The following ATP10A variants were observed in gnomAD, a reference collection of about 807,000 sequenced individuals.
ATP10A encodes the protein ATPase phospholipid transporting 10A (putative).
Under a neutral mutation model 147.8 loss-of-function variants are expected in ATP10A, and 111 were observed. That is an observed-to-expected ratio of 0.75 (90% confidence interval 0.64 to 0.88). The LOEUF is 0.88. Ranked by LOEUF, ATP10A falls within the 40% of genes least tolerant of loss-of-function variation. The probability of loss-of-function intolerance (pLI) is 0.00; values close to 1 mark genes in which losing one functional copy is unlikely to be tolerated. For missense variants in ATP10A, 1,927 were observed against 1,959.0 expected (o/e 0.98, Z 0.31); for synonymous variants, 875 against 841.6 (o/e 1.04, Z -0.69).
chr15:25,686,060 T>C (rs1208347437), intron 16 of ATP10A, among the ~76,000 whole-genome samples: 1 of 152,028 alleles, frequency 6.6e-6, no homozygotes, highest in African/African-American at 2.4e-5. Flanking sequence ...AGGAGTGGTG[T>C]GACACAGCCT....
intron 2 of ATP10A, among the ~76,000 whole-genome samples, chr15:25,767,319 T>C (rs371153448): frequency 6.6e-6 from 1 of 152,184 alleles, no homozygotes; most frequent in Non-Finnish European, 1.5e-5. Flanking sequence ...GCAAGGCTGC[T>C]GTCACCAGGA....
downstream of ATP10A, among the ~76,000 whole-genome samples, chr15:25,674,710 A>G (rs1567290866): frequency 1.3e-5 from 2 of 152,236 alleles, no homozygotes; most frequent in Non-Finnish European, 2.9e-5. Context: ...CAAAGTTAAC[A>G]TCTGTAAAAC....
At chr15:25,795,258 C>T (rs1890619630) in intron 1 of ATP10A, among the ~76,000 whole-genome samples, 1 of 152,170 alleles carries the variant, frequency 6.6e-6, no homozygotes, top group African/African-American at 2.4e-5. Context: ...CACAGCCACA[C>T]AGCCCAGCCC....
chr15:25,779,748 C>A (rs1354845624), intron 2 of ATP10A, among the ~76,000 whole-genome samples: 1 of 152,096 alleles, frequency 6.6e-6, no homozygotes, highest in East Asian at 1.9e-4. Context: ...TTAACAACAA[C>A]AAAAAATACT....
At chr15:25,780,340 G>A (rs1463552260) in intron 2 of ATP10A, among the ~76,000 whole-genome samples, 2 of 152,260 alleles carry the variant, frequency 1.3e-5, no homozygotes, top group Admixed American at 6.5e-5. Flanking sequence ...AGAAGGCTCG[G>A]GCCAGGCCCA....
At chr15:25,839,089 T>C (rs1278490254) in intron 1 of ATP10A, among the ~76,000 whole-genome samples, 1 of 152,172 alleles carries the variant, frequency 6.6e-6, no homozygotes, top group African/African-American at 2.4e-5. Flanking sequence ...ACAGCGGGCT[T>C]GTATCCAATA....
intron 1 of ATP10A, among the ~76,000 whole-genome samples, chr15:25,781,888 T>C (rs1239848799): frequency 6.6e-6 from 1 of 152,098 alleles, no homozygotes. Flanking sequence ...CTGGAATTAG[T>C]GACAGTTGCA....
chr15:25,742,814 G>C (rs902376824), intron 2 of ATP10A, among the ~76,000 whole-genome samples: 1 of 152,176 alleles, frequency 6.6e-6, no homozygotes, highest in Non-Finnish European at 1.5e-5. Context: ...CCTCTTGAAC[G>C]TATTTGTACT....
At chr15:25,680,669 G>T (rs1899354003) in intron 19 of ATP10A, 141 bp downstream of exon 19, 4 of 812,978 alleles carry the variant, frequency 4.9e-6, no homozygotes, top group South Asian at 1.6e-5. Context: ...ATGTGTCATT[G>T]TCCTTCTCAT....
At chr15:25,754,458 C>CG (rs1888314368) in intron 2 of ATP10A, among the ~76,000 whole-genome samples, 1 of 152,062 alleles carries the variant, frequency 6.6e-6, no homozygotes, top group Non-Finnish European at 1.5e-5. Flanking sequence ...CAGCAGTTGC[C>CG]ATAAGTGGTT....
intron 1 of ATP10A, among the ~76,000 whole-genome samples, chr15:25,789,726 G>T (rs1890325988): frequency 6.6e-6 from 1 of 152,072 alleles, no homozygotes; most frequent in Admixed American, 6.5e-5. Flanking sequence ...AGCAACAATA[G>T]CTTTCAAAGG....
chr15:25,709,216 G>A (rs917423871), intron 10 of ATP10A: 3 of 152,214 alleles, frequency 2.0e-5, no homozygotes, highest in Admixed American at 6.5e-5. Context: ...TGAAAAAGAA[G>A]TCAGAAAAGA....
At chr15:25,785,816 G>T (rs1388264275) in intron 1 of ATP10A, among the ~76,000 whole-genome samples, 1 of 152,198 alleles carries the variant, frequency 6.6e-6, no homozygotes, top group Non-Finnish European at 1.5e-5. Flanking sequence ...TGGGCATCCA[G>T]TTCTCTGGCC....
chr15:25,831,139 C>T (rs1892337962), intron 1 of ATP10A, among the ~76,000 whole-genome samples: 1 of 152,254 alleles, frequency 6.6e-6, no homozygotes, highest in Non-Finnish European at 1.5e-5. Flanking sequence ...CCCGTGCATA[C>T]CCAGCACCCT....
intron 2 of ATP10A, among the ~76,000 whole-genome samples, chr15:25,757,581 G>A (rs1197914362): frequency 6.6e-6 from 1 of 152,084 alleles, no homozygotes; most frequent in Non-Finnish European, 1.5e-5. Context: ...AAGGCAGAAA[G>A]GAGCAGTAAA....
rs547411897 is a variant in ATP10A at position 25,682,961 on chromosome 15, C to T, written c.3492+325G>A. On this transcript the variant is annotated intron_variant, in intron 17 of 20. Transcript: ENST00000555815. ...GTGGGTTTGTCTTCTTGTTAATTCCCGTTCAAAATAAGTCACATTTTCTTC... is the reference window on the plus strand; with the variant it reads ...GTGGGTTTGTCTTCTTGTTAATTCCTGTTCAAAATAAGTCACATTTTCTTC... Among the ~76,000 whole-genome samples, 122 of 152,198 alleles carry T rather than the reference C, an allele frequency of 8.0e-4. 1 individual carries two copies. The South Asian group carries it at 0.022, about 27-fold the overall frequency.
chr15:25,712,156 G>A (rs1195419748), intron 10 of ATP10A, among the ~76,000 whole-genome samples: 1 of 152,212 alleles, frequency 6.6e-6, no homozygotes, highest in Non-Finnish European at 1.5e-5. Context: ...AGTTTTCTGG[G>A]TTATCCTTGG....
intron 1 of ATP10A, among the ~76,000 whole-genome samples, chr15:25,821,058 T>A (rs573030346): frequency 6.6e-6 from 1 of 152,346 alleles, no homozygotes; most frequent in East Asian, 1.9e-4. Flanking sequence ...CTTTTTAATT[T>A]AAAAAACCTT....
At chr15:25,738,320 G>A (rs1026231469) in intron 2 of ATP10A, among the ~76,000 whole-genome samples, 2 of 152,092 alleles carry the variant, frequency 1.3e-5, no homozygotes, top group African/African-American at 4.8e-5. Context: ...TTCTGCTCTG[G>A]GCACACTAAC....
Sources: allele counts gnomAD v4.1 joint callset (sites outside exome capture counted in the v4.1 genomes callset), GRCh38; gene constraint gnomAD v4.1.1; transcripts MANE v1.5; gene names NCBI Gene and HGNC (gene_info 2026-07-23, HGNC 2026-07-21).